GPC6: variants seen among roughly 807,000 people sequenced by gnomAD.
GPC6 encodes glypican-6.
Under a neutral mutation model 55.2 loss-of-function variants are expected in GPC6, and 14 were observed. The observed-to-expected ratio is 0.25, with a 90% confidence interval of 0.17 to 0.40. The LOEUF is 0.40. Ranked by LOEUF, GPC6 falls within the 10% of genes least tolerant of loss-of-function variation. The pLI is 1.00. For missense variants in GPC6, 641 were observed against 708.5 expected, an observed-to-expected ratio of 0.90 and a Z score of 1.08; for synonymous variants, 278 against 259.6, an observed-to-expected ratio of 1.07 and a Z score of -0.68.
rs550465392 is a variant in GPC6 at position 93,385,149 on chromosome 13, G to A, written c.160+157533G>A. Among the ~76,000 whole-genome samples, 41 of 152,340 alleles carry A rather than the reference G, an allele frequency of 2.7e-4. No individual in the cohort carries two copies. In the East Asian group the frequency reaches 6.6e-3, roughly 24 times the overall value. The stretch of plus-strand genomic sequence containing the variant: ...CCTAGGCTGGGAAACCATGAAGAGG[G>A]AATTGGAAGAATAAGGAACCAGACA... On this transcript the variant is annotated intron_variant, in intron 1 of 8. Coordinates refer to ENST00000377047, the MANE Select transcript of GPC6 (RefSeq NM_005708.5).
At chr13:93,984,674 G>T (rs1484813091) in intron 3 of GPC6, among the ~76,000 whole-genome samples, 1 of 152,168 alleles carries the variant, frequency 6.6e-6, no homozygotes, top group Non-Finnish European at 1.5e-5. Context: ...AATCTTCAAA[G>T]AGAATTTCAC....
intron 1 of GPC6, among the ~76,000 whole-genome samples, chr13:93,434,815 T>A (rs1346114838): frequency 1.3e-5 from 2 of 152,118 alleles, no homozygotes; most frequent in Non-Finnish European, 2.9e-5. Context: ...CAAACTATTC[T>A]CCTGCCTCCG....
chr13:94,302,064 C>G (rs1293488057), intron 5 of GPC6, among the ~76,000 whole-genome samples: 1 of 152,134 alleles, frequency 6.6e-6, no homozygotes, highest in African/African-American at 2.4e-5. Flanking sequence ...AATTTTCTGC[C>G]CAAAAATTTC....
intron 2 of GPC6, among the ~76,000 whole-genome samples, chr13:93,573,664 T>C (rs1397145972): frequency 6.6e-6 from 1 of 152,096 alleles, no homozygotes; most frequent in Non-Finnish European, 1.5e-5. Context: ...CGAGACCTAG[T>C]TCATTAATAA....
intron 4 of GPC6, among the ~76,000 whole-genome samples, chr13:94,238,664 G>A (rs1465901812): frequency 6.6e-6 from 1 of 152,106 alleles, no homozygotes; most frequent in African/African-American, 2.4e-5. Flanking sequence ...AGATTTTAGG[G>A]AGCTTTGGGA....
chr13:94,276,383 G>A (rs1892203576), intron 4 of GPC6, among the ~76,000 whole-genome samples: 2 of 152,268 alleles, frequency 1.3e-5, no homozygotes, highest in Admixed American at 1.3e-4. Flanking sequence ...GAGCTGAAAG[G>A]GGAGAATCCT....
intron 3 of GPC6, among the ~76,000 whole-genome samples, chr13:93,944,314 C>T (rs1878891699): frequency 6.6e-6 from 1 of 152,098 alleles, no homozygotes. Context: ...CGCCATTCTC[C>T]TGCCTCAGCC....
chr13:93,436,220 A>G (rs1380211436), intron 1 of GPC6, among the ~76,000 whole-genome samples: 2 of 152,148 alleles, frequency 1.3e-5, no homozygotes, highest in African/African-American at 2.4e-5. Flanking sequence ...TGGAATACAT[A>G]TGGAGGAAAA....
At chr13:93,704,967 A>G (rs2138800037) in intron 2 of GPC6, among the ~76,000 whole-genome samples, 1 of 152,050 alleles carries the variant, frequency 6.6e-6, no homozygotes, top group East Asian at 1.9e-4. Context: ...CCATATTCTT[A>G]ATTCAGTCCC....
At chr13:93,700,456 C>A (rs1472689555) in intron 2 of GPC6, among the ~76,000 whole-genome samples, 2 of 152,104 alleles carry the variant, frequency 1.3e-5, no homozygotes, top group Non-Finnish European at 2.9e-5. Flanking sequence ...AAGCACTAAC[C>A]CTGACCAATC....
At chr13:93,511,996 G>A (rs1880998945) in intron 1 of GPC6, among the ~76,000 whole-genome samples, 1 of 151,936 alleles carries the variant, frequency 6.6e-6, no homozygotes, top group South Asian at 2.1e-4. Context: ...CATTAGTGGT[G>A]TACAGAAATG....
chr13:93,919,816 G>A (rs909556210), intron 3 of GPC6, among the ~76,000 whole-genome samples: 1 of 152,092 alleles, frequency 6.6e-6, no homozygotes, highest in African/African-American at 2.4e-5. Flanking sequence ...CACAGGCCAG[G>A]AATAAAAGGG....
chr13:93,572,386 T>C (rs907447291), intron 2 of GPC6, among the ~76,000 whole-genome samples: 13 of 152,154 alleles, frequency 8.5e-5, no homozygotes, highest in Non-Finnish European at 1.8e-4. Flanking sequence ...CTTGGAATGA[T>C]ATATACCAGT....
intron 3 of GPC6, among the ~76,000 whole-genome samples, chr13:93,999,260 T>A (rs1881692830): frequency 6.6e-6 from 1 of 152,160 alleles, no homozygotes; most frequent in Non-Finnish European, 1.5e-5. Context: ...AACTCCCATT[T>A]ATGAGTGAGG....
At chr13:93,219,268 A>G in the GPC6 span, among the ~76,000 whole-genome samples, 1 of 151,742 alleles carries the variant, frequency 6.6e-6, no homozygotes, top group Non-Finnish European at 1.5e-5. Flanking sequence ...TAATTTTTGT[A>G]TTTTTAGTAG....
intron 4 of GPC6, among the ~76,000 whole-genome samples, chr13:94,173,304 T>G (rs1412779715): frequency 6.6e-6 from 1 of 152,188 alleles, no homozygotes; most frequent in Non-Finnish European, 1.5e-5. Flanking sequence ...ACAAGCCATG[T>G]TCAAATATTT....
At chr13:94,280,275 T>C (rs1269276255) in intron 4 of GPC6, among the ~76,000 whole-genome samples, 2 of 152,126 alleles carry the variant, frequency 1.3e-5, no homozygotes, top group Non-Finnish European at 2.9e-5. Flanking sequence ...ATTTTTAAAA[T>C]CAGAAATAAA....
intron 1 of GPC6, among the ~76,000 whole-genome samples, chr13:93,446,600 A>G (rs1041032247): frequency 6.6e-6 from 1 of 152,196 alleles, no homozygotes; most frequent in African/African-American, 2.4e-5. Flanking sequence ...CATGATGACT[A>G]CAACCCGTTT....
intron 6 of GPC6, among the ~76,000 whole-genome samples, chr13:94,330,913 G>A (rs1877376907): frequency 6.6e-6 from 1 of 151,810 alleles, no homozygotes. Flanking sequence ...GAGGCTGATT[G>A]TTACATTGAT....
Sources: gnomAD v4.1 joint callset for allele counts (sites outside exome capture counted in the v4.1 genomes callset) on GRCh38, gnomAD v4.1.1 for gene constraint, MANE v1.5 for transcripts, NCBI Gene and HGNC (gene_info 2026-07-23, HGNC 2026-07-21) for gene names.